Variants in FHIT observed in about 807,000 individuals in gnomAD.
The protein encoded by FHIT is bis(5'-adenosyl)-triphosphatase.
FHIT carries 19 observed loss-of-function variants against 17.9 expected under a neutral mutation model. The ratio of observed to expected loss-of-function variants is 1.06; its 90% CI spans 0.74 to 1.56. The LOEUF is 1.56. FHIT is among the 40% of genes most tolerant of loss of function. The pLI, the probability that FHIT is intolerant of heterozygous loss-of-function variation, is 0.00. For synonymous variants in FHIT, 81 were observed against 69.7 expected, an observed-to-expected ratio of 1.16 and a Z score of -0.81; for missense variants, 248 against 189.2, an observed-to-expected ratio of 1.31 and a Z score of -1.82.
chr3:60,569,755 A>ATATATATATTTTTT lies in FHIT; in HGVS notation c.-17-32777_-17-32776insAAAAAATATATATA. Among the ~76,000 whole-genome samples the ATATATATATTTTTT allele has an allele frequency of 2.1e-3, 162 of 77,328 alleles. 1 individual carries two copies. Among genetic ancestry groups the ATATATATATTTTTT allele is most frequent in the East Asian group, 0.015 (28 of 1,890 alleles). The allele number at this position is 77,328 out of a possible 152,430, so 50.7% of individuals were successfully genotyped here. ...TATATATATATATATATATATATAT[A>ATATATATATTTTTT]TTTTTTTTTTTTTTAGACAGAGTTT... is the stretch of plus-strand genomic sequence containing the variant. On this transcript the variant is annotated intron_variant, in intron 4 of 9. Coordinates refer to ENST00000492590, the MANE Select transcript of FHIT (RefSeq NM_002012.4).
intron 5 of FHIT, among the ~76,000 whole-genome samples, chr3:60,475,073 TA>T (rs1490810431): frequency 7.0e-6 from 1 of 142,118 alleles, no homozygotes; most frequent in African/African-American, 3.1e-5. Context: ...TCCTTTGATA[TA>T]AACAGATAGC....
chr3:60,714,575 C>G (rs1403913387), intron 4 of FHIT, among the ~76,000 whole-genome samples: 1 of 152,176 alleles, frequency 6.6e-6, no homozygotes, highest in African/African-American at 2.4e-5. Context: ...TGATAAGCAA[C>G]TTCAGCAAAG....
intron 2 of FHIT, among the ~76,000 whole-genome samples, chr3:61,047,081 A>G (rs1171175218): frequency 1.3e-5 from 2 of 152,230 alleles, no homozygotes; most frequent in Non-Finnish European, 2.9e-5. Flanking sequence ...GAAACCTGGC[A>G]CAAGACAGGG....
At chr3:60,541,034 T>C (rs1403287918) in intron 4 of FHIT, among the ~76,000 whole-genome samples, 1 of 152,206 alleles carries the variant, frequency 6.6e-6, no homozygotes, top group Admixed American at 6.5e-5. Flanking sequence ...CTTCCATAGC[T>C]GTCCAGGTGT....
At chr3:60,696,968 A>G (rs2041126513) in intron 4 of FHIT, among the ~76,000 whole-genome samples, 4 of 152,176 alleles carry the variant, frequency 2.6e-5, no homozygotes, top group South Asian at 2.1e-4. Context: ...CACTAGCAAC[A>G]TGAGTGCACT....
chr3:59,803,350 T>C (rs182963976), intron 8 of FHIT, among the ~76,000 whole-genome samples: 5 of 152,222 alleles, frequency 3.3e-5, no homozygotes, highest in Admixed American at 3.3e-4. Context: ...CAGCGAAGGA[T>C]TCTGTTTTAA....
At chr3:60,614,975 G>A (rs1215848894) in intron 4 of FHIT, among the ~76,000 whole-genome samples, 8 of 151,472 alleles carry the variant, frequency 5.3e-5, no homozygotes, top group Admixed American at 1.3e-4. Flanking sequence ...GACTACAGGC[G>A]CCCACAACCA....
chr3:61,179,901 T>G (rs541531719), intron 2 of FHIT, among the ~76,000 whole-genome samples: 5 of 152,216 alleles, frequency 3.3e-5, no homozygotes, highest in African/African-American at 1.2e-4. Flanking sequence ...ATGATGACTT[T>G]GGGAAAATTC....
chr3:60,537,404 A>C, intron 4 of FHIT: 2 of 865,144 alleles, frequency 2.3e-6, no homozygotes, highest in Non-Finnish European at 2.8e-6. Context: ...GCTTCTCTCA[A>C]ATGGTTTTGT....
intron 3 of FHIT, among the ~76,000 whole-genome samples, chr3:60,899,442 A>G (rs931780943): frequency 1.3e-5 from 2 of 152,194 alleles, no homozygotes; most frequent in Non-Finnish European, 2.9e-5. Flanking sequence ...CATAAGCTTT[A>G]TTCTCTCACT....
intron 4 of FHIT, among the ~76,000 whole-genome samples, chr3:60,571,667 G>A (rs1323458002): frequency 6.6e-6 from 1 of 152,100 alleles, no homozygotes; most frequent in Admixed American, 6.5e-5. Context: ...AGAGGGAATA[G>A]AGAAACTTTT....
intron 3 of FHIT, among the ~76,000 whole-genome samples, chr3:60,933,616 T>G (rs1255711517): frequency 6.6e-6 from 1 of 152,202 alleles, no homozygotes; most frequent in African/African-American, 2.4e-5. Context: ...CTTATTATTT[T>G]TCTCCTTTTT....
chr3:60,077,738 A>AT (rs796142099), intron 5 of FHIT, among the ~76,000 whole-genome samples: 1,659 of 122,192 alleles, frequency 0.014, 34 homozygotes, highest in African/African-American at 0.046. Flanking sequence ...ACATATATAG[A>AT]GGGGGGGGGG....
chr3:60,032,336 C>T (rs1291402444), intron 5 of FHIT, among the ~76,000 whole-genome samples: 2 of 151,922 alleles, frequency 1.3e-5, no homozygotes, highest in Admixed American at 1.3e-4. Flanking sequence ...CGTGTGGTCT[C>T]AGCTACTCAG....
chr3:60,184,294 T>C (rs73831979), intron 5 of FHIT, among the ~76,000 whole-genome samples: 1,705 of 152,220 alleles, frequency 0.011, 31 homozygotes, highest in African/African-American at 0.04. Context: ...TAGTTTTCAA[T>C]CTAATATGCT....
At chr3:60,569,841 T>G (rs1559547906) in intron 4 of FHIT, among the ~76,000 whole-genome samples, 1 of 147,272 alleles carries the variant, frequency 6.8e-6, no homozygotes, top group Non-Finnish European at 1.5e-5. Flanking sequence ...AACCTTCGCC[T>G]CACAGGTTCA....
chr3:60,764,655 C>T (rs923843861), intron 4 of FHIT, among the ~76,000 whole-genome samples: 1 of 151,946 alleles, frequency 6.6e-6, no homozygotes, highest in Non-Finnish European at 1.5e-5. Flanking sequence ...TTTTGACTCA[C>T]TCTGTAAGAT....
chr3:60,066,309 C>G (rs558315149), intron 5 of FHIT, among the ~76,000 whole-genome samples: 8 of 152,152 alleles, frequency 5.3e-5, no homozygotes, highest in Non-Finnish European at 1.0e-4. Context: ...AATTTCCCAA[C>G]GATATCTAAG....
At chr3:60,955,633 T>TATATACACAC (rs1272864632) in intron 3 of FHIT, among the ~76,000 whole-genome samples, 55 of 39,490 alleles carry the variant, frequency 1.4e-3, no homozygotes, top group African/African-American at 4.1e-3. Context: ...TATATATATA[T>TATATACACAC]ACACACACAC....
Sources: gnomAD v4.1 joint callset for allele counts (sites outside exome capture counted in the v4.1 genomes callset) on GRCh38, gnomAD v4.1.1 for gene constraint, MANE v1.5 for transcripts, NCBI Gene and HGNC (gene_info 2026-07-23, HGNC 2026-07-21) for gene names.